The following C11orf65 variants were observed in gnomAD, a reference collection of about 807,000 sequenced individuals.
C11orf65 encodes the protein protein MFI.
In C11orf65, 38 loss-of-function variants were observed where a neutral mutation model predicts 35.3. That is an observed-to-expected ratio of 1.08 (90% confidence interval 0.83 to 1.41). The LOEUF is 1.41. C11orf65 is among the 40% of genes most tolerant of loss of function. The pLI, the probability that C11orf65 is intolerant of heterozygous loss-of-function variation, is 0.00. For synonymous variants in C11orf65, 105 were observed against 114.4 expected (o/e 0.92, Z 0.53); for missense variants, 370 against 367.1 (o/e 1.01, Z -0.06).
intron 2 of C11orf65, among the ~76,000 whole-genome samples, chr11:108,456,978 C>T (rs1270463187): frequency 6.6e-6 from 1 of 151,970 alleles, no homozygotes; most frequent in African/African-American, 2.4e-5. Context: ...CCAGAGAATA[C>T]TTATAACGTA....
At chr11:108,341,513 G>A (rs574524630) in intron 2 of C11orf65, among the ~76,000 whole-genome samples, 2 of 152,178 alleles carry the variant, frequency 1.3e-5, no homozygotes, top group South Asian at 4.2e-4. Flanking sequence ...TGTGTAACAT[G>A]TAATACGCCC....
intron 7 of C11orf65, among the ~76,000 whole-genome samples, chr11:108,387,861 T>C (rs2092049505): frequency 6.6e-6 from 1 of 152,214 alleles, no homozygotes; most frequent in South Asian, 2.1e-4. Context: ...TCAGACGTTG[T>C]GTCTGAATTT....
chr11:108,433,166 C>G (rs562302991), intron 2 of C11orf65, among the ~76,000 whole-genome samples: 2 of 151,832 alleles, frequency 1.3e-5, no homozygotes, highest in African/African-American at 4.8e-5. Flanking sequence ...TTTTAAAGTA[C>G]CAAAGAGAGA....
At chr11:108,458,850 C>A (rs2093437367) in intron 2 of C11orf65, among the ~76,000 whole-genome samples, 1 of 152,122 alleles carries the variant, frequency 6.6e-6, no homozygotes, top group Non-Finnish European at 1.5e-5. Context: ...TTGATCTCAG[C>A]CTTTCTGGTA....
In C11orf65 at chr11:108,310,420, T is replaced by C. The variant is rs1018328054; in HGVS notation, c.641-1349A>G. The C allele has an allele frequency of 2.4e-5, 25 of 1,059,886 alleles. 1 individual carries two copies. The highest frequency in any genetic ancestry group is 3.0e-4 in the Middle Eastern group (1 of 3,292). 65.7% of individuals were successfully genotyped at this position (1,059,886 alleles called of 1,614,324 possible). On this transcript the variant is annotated intron_variant, in intron 6 of 6. Transcript: ENST00000525729. ...TGCCTCCTGTTCCCCATTTAAAAGA[T>C]ATTTTAGATAGAAATTTTGTTTTAA...
chr11:108,335,339 C>A, intron 2 of C11orf65: 1 of 1,367,508 alleles, frequency 7.3e-7, no homozygotes, highest in South Asian at 1.3e-5. Context: ...AAAAGAATAC[C>A]ATTAACATGT....
At position 108,385,456 on chromosome 11, in the gene C11orf65, T is replaced by G. The variant is rs528683919; in HGVS notation, c.787+464A>C. ...CCAGCACTTTGGGAGGCCGAGGTAG[T>G]TGGATCACAAGGTCAGCAGATCAAG... On this transcript the variant is annotated intron_variant, in intron 8 of 8. Coordinates refer to ENST00000393084, the MANE Select transcript of C11orf65 (RefSeq NM_152587.5). Among the ~76,000 whole-genome samples the G allele has an allele frequency of 2.1e-3, 315 of 152,176 alleles. 1 individual carries two copies. Among genetic ancestry groups the G allele is most frequent in the African/African-American group, 7.1e-3 (294 of 41,570 alleles).
At chr11:108,324,150 C>G (rs1290517039) in intron 6 of C11orf65, among the ~76,000 whole-genome samples, 1 of 152,048 alleles carries the variant, frequency 6.6e-6, no homozygotes, top group Non-Finnish European at 1.5e-5. Flanking sequence ...TATGTATAAC[C>G]TGTGCACATT....
At chr11:108,437,213 G>A (rs11825519) in intron 2 of C11orf65, among the ~76,000 whole-genome samples, 3,340 of 151,996 alleles carry the variant, frequency 0.022, 91 homozygotes, top group African/African-American at 0.069. Flanking sequence ...CTTGAGCTCA[G>A]GAATTCGAGG....
intron 2 of C11orf65, among the ~76,000 whole-genome samples, chr11:108,447,642 G>C (rs929994625): frequency 1.3e-4 from 20 of 152,012 alleles, no homozygotes; most frequent in Non-Finnish European, 7.4e-5. Flanking sequence ...GCAGTGTGTA[G>C]AGGGAAATTT....
At chr11:108,396,284 G>T (rs948377544) in intron 6 of C11orf65, among the ~76,000 whole-genome samples, 7 of 151,368 alleles carry the variant, frequency 4.6e-5, no homozygotes, top group African/African-American at 1.7e-4. Context: ...GTAGAGATGG[G>T]GTTTCACCAT....
At position 108,332,913 on chromosome 11, in the gene C11orf65, T is replaced by C; in HGVS notation, c.300-1346A>G. The C allele has an allele frequency of 6.2e-7, 1 of 1,609,596 alleles. No homozygotes were observed. The highest frequency in any genetic ancestry group is 8.5e-7 in the Non-Finnish European group (1 of 1,178,520). Reference sequence around the variant, plus strand: ...AAGACTCAGAGAAGTATGTTTTTTTTAAAGAAGAAACGTTACTTTCTTGCT... The same window carrying C: ...AAGACTCAGAGAAGTATGTTTTTTTCAAAGAAGAAACGTTACTTTCTTGCT... On this transcript the variant is annotated intron_variant, in intron 3 of 3. Transcript: ENST00000524755.
rs141009979 is a variant in C11orf65 at position 108,434,094 on chromosome 11, G to C, written c.82-2256C>G. Among the ~76,000 whole-genome samples, 1,318 of 152,304 alleles carry C rather than the reference G, an allele frequency of 8.7e-3. 19 individuals are homozygous for C. The highest frequency in any genetic ancestry group is 0.03 in the African/African-American group (1,230 of 41,552). On this transcript the variant is annotated intron_variant, in intron 2 of 8. Coordinates refer to ENST00000393084, the MANE Select transcript of C11orf65 (RefSeq NM_152587.5). ...ACCAAAGAACAATCTCAACAGAGAA[G>C]AATCTTAATAATCAGGTGAGCAAGA... is the stretch of plus-strand genomic sequence containing the variant.
At chr11:108,386,114 T>C in intron 7 of C11orf65, 139 bp from the exon 8 acceptor site, 4 of 686,898 alleles carry the variant, frequency 5.8e-6, no homozygotes, top group South Asian at 1.8e-5. Flanking sequence ...CTCTCAAGAC[T>C]TTCTCACCTT....
chr11:108,382,724 T>C, downstream of C11orf65: 1 of 964,798 alleles, frequency 1.0e-6, no homozygotes, highest in Non-Finnish European at 1.2e-6. Flanking sequence ...ATGCCTCAAG[T>C]AAACATGCAA....
chr11:108,417,967 TAAA>T (rs11342803), intron 3 of C11orf65, among the ~76,000 whole-genome samples: 1 of 147,686 alleles, frequency 6.8e-6, no homozygotes, highest in Non-Finnish European at 1.5e-5. Flanking sequence ...TCTGATTTGT[TAAA>T]AAAAAAAAAA....
intron 2 of C11orf65, chr11:108,345,758 TC>T: frequency 6.2e-7 from 1 of 1,611,462 alleles, no homozygotes; most frequent in South Asian, 1.1e-5. Context: ...GCAAAAAAAG[TC>T]TTTTGAAGAG....
chr11:108,383,299 T>A lies in C11orf65; in HGVS notation c.788-124A>T, dbSNP rs1306892832. 5 of 827,658 alleles carry A rather than the reference T, an allele frequency of 6.0e-6. No individual in the cohort carries two copies. In the African/African-American group the frequency reaches 8.8e-5, roughly 15 times the overall value. 51.3% of individuals were successfully genotyped at this position (827,658 alleles called of 1,614,324 possible). On this transcript the variant is annotated intron_variant, in intron 8 of 8. Coordinates refer to ENST00000393084, the MANE Select transcript of C11orf65 (RefSeq NM_152587.5). ...CATTCTTAAAGCAAATATCTTCACC[T>A]GAAACCAGAAACACCCCAAATTTCT...
At chr11:108,434,172 G>A (rs1227371397) in intron 2 of C11orf65, among the ~76,000 whole-genome samples, 2 of 152,124 alleles carry the variant, frequency 1.3e-5, no homozygotes, top group African/African-American at 4.8e-5. Flanking sequence ...TGCTATCCTT[G>A]CACTATGTGC....
Sources: allele counts gnomAD v4.1 joint callset (sites outside exome capture counted in the v4.1 genomes callset), GRCh38; gene constraint gnomAD v4.1.1; transcripts MANE v1.5; gene names NCBI Gene and HGNC (gene_info 2026-07-23, HGNC 2026-07-21).